Variants in SMG5 observed in about 807,000 individuals in gnomAD.
SMG5 encodes the protein nonsense-mediated mRNA decay factor SMG5.
Under a neutral mutation model 122.9 loss-of-function variants are expected in SMG5, and 53 were observed. The ratio of observed to expected loss-of-function variants is 0.43; its 90% CI spans 0.35 to 0.54. SMG5 has a LOEUF of 0.54. Among genes scored for constraint, SMG5 ranks in the 20% least tolerant of loss-of-function variants. The pLI is 0.01. For missense variants in SMG5, 1,153 were observed against 1,285.6 expected, an observed-to-expected ratio of 0.90 and a Z score of 1.58; for synonymous variants, 477 against 490.2, an observed-to-expected ratio of 0.97 and a Z score of 0.35.
rs757455869 is a variant in SMG5 at position 156,258,993 on chromosome 1, G to C, written c.2442+12C>G. ...GGAGCAGAGCTGACGGGGAGGGGAA[G>C]GCCTGACTCACCATTCGGAACTGTG... On this transcript the variant is annotated intron_variant, in intron 16 of 21. Coordinates refer to ENST00000361813, the MANE Select transcript of SMG5 (RefSeq NM_015327.3). The C allele has an allele frequency of 6.2e-7, 1 of 1,613,528 alleles. No homozygotes were observed. Among genetic ancestry groups the C allele is most frequent in the Non-Finnish European group, 8.5e-7 (1 of 1,179,814 alleles).
chr1:156,264,038 G>A (rs1262531974), intron 12 of SMG5, among the ~76,000 whole-genome samples: 1 of 152,090 alleles, frequency 6.6e-6, no homozygotes, highest in Non-Finnish European at 1.5e-5. Context: ...GGGAGGCTGA[G>A]GTGGGCGGAT....
chr1:156,256,778 T>C (rs1661595400), intron 16 of SMG5, among the ~76,000 whole-genome samples: 1 of 152,104 alleles, frequency 6.6e-6, no homozygotes, highest in Admixed American at 6.5e-5. Context: ...CCACTTGGCC[T>C]ACAGAGAAGC....
chr1:156,264,797 A>C (rs896763551), intron 12 of SMG5, among the ~76,000 whole-genome samples: 1 of 152,110 alleles, frequency 6.6e-6, no homozygotes, highest in Admixed American at 6.5e-5. Context: ...AGGCCAAGGT[A>C]GGAAGATCAC....
rs777488544 is a variant in SMG5 at position 156,267,555 on chromosome 1, C to A, written c.1032G>T (p.Glu344Asp). 1.2e-6 allele frequency: 2 copies of A among 1,614,122 alleles called. No individual in the cohort carries two copies. Among genetic ancestry groups the A allele is most frequent in the Non-Finnish European group, 8.5e-7 (1 of 1,180,024 alleles). ...GGTCCGGGAGGAAAGCATATCCACTCTCATACTCCTCCTCATCCTCACTGG... is the reference window on the plus strand; with the variant it reads ...GGTCCGGGAGGAAAGCATATCCACTATCATACTCCTCCTCATCCTCACTGG... ...SLASEDEEEY[E>D]SGYAFLPDLL... is the part of the protein sequence containing the mutation. Residue 344 changes from glutamate (E) to aspartate (D), a missense_variant, in exon 10 of 22, where the codon GAG becomes GAT. Glu to Asp is a conservative substitution (Grantham distance 45, BLOSUM62 2). Coordinates refer to ENST00000361813, the MANE Select transcript of SMG5 (RefSeq NM_015327.3).
At chr1:156,272,512 G>T in intron 6 of SMG5, 114 bp from the exon 7 acceptor site, 1 of 776,364 alleles carries the variant, frequency 1.3e-6, no homozygotes, top group South Asian at 1.5e-5. Flanking sequence ...GGGTCTGCAG[G>T]CAACACTGGT....
At chr1:156,272,481 G>T in intron 6 of SMG5, 83 bp from the exon 7 acceptor site, 1 of 1,142,138 alleles carries the variant, frequency 8.8e-7, no homozygotes, top group African/African-American at 1.5e-5. Flanking sequence ...AAGCATCAGA[G>T]AACCTGTAGG....
At chr1:156,264,384 TTCAC>T (rs1662018638) in intron 12 of SMG5, among the ~76,000 whole-genome samples, 1 of 151,230 alleles carries the variant, frequency 6.6e-6, no homozygotes, top group South Asian at 2.1e-4. Flanking sequence ...ATTTCTGCCA[TTCAC>T]TCAGTCATTC....
Position 156,273,341 on chromosome 1 carries a change from C to T in SMG5, c.634+20G>A. On this transcript the variant is annotated intron_variant, in intron 6 of 21. Coordinates refer to ENST00000361813, the MANE Select transcript of SMG5 (RefSeq NM_015327.3). ...GGAAAACCCTACTGGATTCAGAGGCCCAAGTTGGGGACAACTTACCAATCT... is the reference window on the plus strand; with the variant it reads ...GGAAAACCCTACTGGATTCAGAGGCTCAAGTTGGGGACAACTTACCAATCT... 1 of 1,606,238 alleles carries T rather than the reference C, an allele frequency of 6.2e-7. No homozygotes were observed. Among genetic ancestry groups the T allele is most frequent in the Non-Finnish European group, 8.5e-7 (1 of 1,173,850 alleles).
At chr1:156,265,223 T>TAA (rs562516659) in intron 12 of SMG5, among the ~76,000 whole-genome samples, 88 of 135,602 alleles carry the variant, frequency 6.5e-4, no homozygotes, top group Admixed American at 9.9e-4. Context: ...ACCCTGTCTT[T>TAA]AAAAAAAAAA....
intron 17 of SMG5, 75 bp downstream of exon 17, chr1:156,253,374 G>T: frequency 6.8e-7 from 1 of 1,463,244 alleles, no homozygotes; most frequent in Non-Finnish European, 9.6e-7. Context: ...ACAGCGGAAG[G>T]GGGAGACCTG....
At chr1:156,262,515 C>T (rs1023403916) in intron 13 of SMG5, among the ~76,000 whole-genome samples, 1 of 149,122 alleles carries the variant, frequency 6.7e-6, no homozygotes, top group Non-Finnish European at 1.5e-5. Flanking sequence ...AGCAGCGAAA[C>T]CACAAGGACT....
chr1:156,250,499 G>T lies in SMG5; in HGVS notation c.*88C>A. 8.7e-7 allele frequency: 1 copy of T among 1,148,680 alleles called. No individual in the cohort carries two copies. Among genetic ancestry groups the T allele is most frequent in the Non-Finnish European group, 1.3e-6 (1 of 760,546 alleles). The allele number at this position is 1,148,680 out of a possible 1,614,324, so 71.2% of individuals were successfully genotyped here. A position where few individuals can be genotyped will look rare whatever the true frequency, so the allele number is the denominator to read the frequency against. On this transcript the variant is annotated 3_prime_UTR_variant, in exon 22 of 22. Coordinates refer to ENST00000361813, the MANE Select transcript of SMG5 (RefSeq NM_015327.3). Reference sequence around the variant, plus strand: ...GTGTGCGTGCATGAGTCTGCGTGTGGTGGGGTGACTACAGGTGCTGGTCCT... The same window carrying T: ...GTGTGCGTGCATGAGTCTGCGTGTGTTGGGGTGACTACAGGTGCTGGTCCT...
chr1:156,252,835 T>C, intron 18 of SMG5, 84 bp downstream of exon 18: 1 of 1,397,208 alleles, frequency 7.2e-7, no homozygotes, highest in South Asian at 1.5e-5. Flanking sequence ...GCATATAAAC[T>C]GGGCCCCAAA....
At chr1:156,259,200 G>C in intron 15 of SMG5, 37 bp from the exon 16 acceptor site, 2 of 1,526,360 alleles carry the variant, frequency 1.3e-6, no homozygotes, top group Non-Finnish European at 1.8e-6. Context: ...CTGCTGAGCA[G>C]GGCCCTCTAG....
intron 18 of SMG5, 134 bp from the exon 19 acceptor site, chr1:156,252,638 C>T: frequency 2.2e-6 from 2 of 903,430 alleles, no homozygotes; most frequent in African/African-American, 1.7e-5. Context: ...TAGAGGGCTC[C>T]CAAAGTTCTC....
Position 156,260,598 on chromosome 1 carries a change from A to C in SMG5, c.2136T>G (p.Asp712Glu), listed in dbSNP as rs1442317346. Residue 712 changes from aspartate (D) to glutamate (E), a missense_variant, in exon 15 of 22, where the codon GAT (aspartate) becomes GAG (glutamate). By Grantham distance (45) the Asp-to-Glu change is conservative. Coordinates refer to ENST00000361813, the MANE Select transcript of SMG5 (RefSeq NM_015327.3). ...SGLALCPEVQ[D>E]LLEGCELPDL... Reference sequence around the variant, plus strand: ...CAGGCAGTTCACAACCTTCAAGAAGATCTTGGACCTCAGGACACAAGGCCA... The same window carrying C: ...CAGGCAGTTCACAACCTTCAAGAAGCTCTTGGACCTCAGGACACAAGGCCA... The C allele has an allele frequency of 6.6e-7, 1 of 1,512,768 alleles. No homozygotes were observed. Among genetic ancestry groups the C allele is most frequent in the Non-Finnish European group, 8.8e-7 (1 of 1,136,034 alleles). The allele number at this position is 1,512,768 out of a possible 1,614,324, so 93.7% of individuals were successfully genotyped here.
chr1:156,265,064 C>CACACACACACACACACAAA (rs1662059532), intron 12 of SMG5, among the ~76,000 whole-genome samples: 1 of 149,208 alleles, frequency 6.7e-6, no homozygotes, highest in Non-Finnish European at 1.5e-5. Flanking sequence ...CACACACACA[C>CACACACACACACACACAAA]ACACACACAA....
chr1:156,283,538 T>C (rs556880708), upstream of SMG5, among the ~76,000 whole-genome samples: 2 of 150,178 alleles, frequency 1.3e-5, no homozygotes, highest in East Asian at 2.0e-4. Flanking sequence ...AATCCTCACA[T>C]TGGAAATCAG....
At chr1:156,273,274 G>A in intron 6 of SMG5, 87 bp downstream of exon 6, 1 of 1,040,248 alleles carries the variant, frequency 9.6e-7, no homozygotes. Flanking sequence ...TGGGGAAAAT[G>A]AGTATGAACT....
Sources: allele counts gnomAD v4.1 joint callset (sites outside exome capture counted in the v4.1 genomes callset), GRCh38; gene constraint gnomAD v4.1.1; transcripts MANE v1.5; gene names NCBI Gene and HGNC (gene_info 2026-07-23, HGNC 2026-07-21).